The following SLC6A12 variants were observed in gnomAD, a reference collection of about 807,000 sequenced individuals.
The protein encoded by SLC6A12 is solute carrier family 6 member 12, also known as sodium- and chloride-dependent betaine transporter.
Under a neutral mutation model 73.3 loss-of-function variants are expected in SLC6A12, and 50 were observed. The observed-to-expected ratio is 0.68, with a 90% CI of 0.54 to 0.86. The LOEUF (loss-of-function observed/expected upper bound fraction) is 0.86. Ranked by LOEUF, SLC6A12 falls within the 40% of genes least tolerant of loss-of-function variation. SLC6A12 has a pLI of 0.00. For missense variants in SLC6A12, 648 were observed against 772.8 expected, an observed-to-expected ratio of 0.84 and a Z score of 1.92; for synonymous variants, 304 against 309.2, an observed-to-expected ratio of 0.98 and a Z score of 0.18.
rs1565464689 is a variant in SLC6A12, at chr12:192,364, T to G, written c.1701+114A>C. ...TTAAGATTCTGTGAGACTGAAGGGC[T>G]GCCCCACACTCAGAGTTTGTGTCTG... On this transcript the variant is annotated intron_variant, in intron 15 of 15. Transcript: ENST00000684302. 1.3e-5 allele frequency: 11 copies of G among 863,182 alleles called. No homozygotes were observed. The East Asian group carries it at 2.7e-4, about 21-fold the overall frequency. The allele number at this position is 863,182 out of a possible 1,614,324, so 53.5% of individuals were successfully genotyped here. A position where few individuals can be genotyped will look rare whatever the true frequency, so the allele number is the denominator to read the frequency against.
intron 4 of SLC6A12, chr12:204,023 C>G (rs980040853): frequency 6.5e-6 from 1 of 153,566 alleles, no homozygotes; most frequent in African/African-American, 2.4e-5. Flanking sequence ...TCCAGTGCTC[C>G]GTTTGCTCAC....
At chr12:187,606 A>C (rs1591772481), downstream of SLC6A12, among the ~76,000 whole-genome samples, 2 of 14,502 alleles carry the variant, frequency 1.4e-4, no homozygotes, top group Non-Finnish European at 5.7e-4. Flanking sequence ...AAAAAAAAAA[A>C]AAAAAAAAAA....
At chr12:200,137 G>A (rs1287436864) in intron 7 of SLC6A12, among the ~76,000 whole-genome samples, 1 of 134,040 alleles carries the variant, frequency 7.5e-6, no homozygotes, top group Non-Finnish European at 1.5e-5. Flanking sequence ...TTGAGACGGA[G>A]TCTGGCTGTC....
downstream of SLC6A12, among the ~76,000 whole-genome samples, chr12:186,971 T>C (rs988361664): frequency 6.6e-6 from 1 of 152,184 alleles, no homozygotes; most frequent in Admixed American, 6.5e-5. Context: ...CAAGGGCTCC[T>C]GTTCCCTCCC....
At position 209,340 on chromosome 12, in the gene SLC6A12, A is replaced by G. The variant is rs147852879; in HGVS notation, c.214+433T>C. Among the ~76,000 whole-genome samples the G allele has an allele frequency of 5.9e-3, 892 of 152,280 alleles. 5 individuals carry two copies. The highest frequency in any genetic ancestry group is 9.3e-3 in the Non-Finnish European group (631 of 68,020). Reference sequence around the variant, plus strand: ...AGACCACGCGGAACCGTTTGTCCGCAACCTGCCGCAGACACAGTACAACTC... The same window carrying G: ...AGACCACGCGGAACCGTTTGTCCGCGACCTGCCGCAGACACAGTACAACTC... On this transcript the variant is annotated intron_variant, in intron 3 of 15. Coordinates refer to ENST00000684302, the MANE Select transcript of SLC6A12 (RefSeq NM_001122848.3).
chr12:200,152 A>G (rs1204853666), intron 7 of SLC6A12, among the ~76,000 whole-genome samples: 1 of 125,374 alleles, frequency 8.0e-6, no homozygotes, highest in Non-Finnish European at 1.6e-5. Context: ...GCTGTCGCCC[A>G]GGCTGGAGTG....
Position 200,702 on chromosome 12 carries a change from G to C in SLC6A12, c.660C>G (p.Ala220=), listed in dbSNP as rs759201205. 1.9e-6 allele frequency: 3 copies of C among 1,614,076 alleles called. No individual in the cohort carries two copies. Among genetic ancestry groups the C allele is most frequent in the Admixed American group, 1.7e-5 (1 of 60,008 alleles). Residue 220 remains alanine, a synonymous_variant, in exon 7 of 16, where the codon GCC becomes GCG. Coordinates refer to ENST00000684302, the MANE Select transcript of SLC6A12 (RefSeq NM_001122848.3). The part of the protein sequence containing the change: ...RWELALCLLL[A]WVICYFCIWK... ...AGATGCAGAAATAGCAGATGACCCA[G>C]GCGAGCAGGAGGCACAGGGCCAGCT...
Position 197,948 on chromosome 12 carries a change from C to T in SLC6A12, c.902G>A (p.Cys301Tyr), listed in dbSNP as rs1721524259. ...GTTGTAGCTGCCCAGGGCTGTCAGG[C>T]ACCCCTGGCAGATGGCAAAGGAGAA... ...IFFSFAICQG[C>Y]LTALGSYNKY... The change falls in exon 9 of 16, where the codon TGC (cysteine) becomes TAC (tyrosine). Residue 301 changes from cysteine (C) to tyrosine (Y), a missense_variant. By Grantham distance (194) the Cys-to-Tyr change is radical. Coordinates refer to ENST00000684302, the MANE Select transcript of SLC6A12 (RefSeq NM_001122848.3). 1 of 1,613,236 alleles carries T rather than the reference C, an allele frequency of 6.2e-7. No individual in the cohort carries two copies.
At chr12:206,429 G>A (rs1007500558) in intron 3 of SLC6A12, among the ~76,000 whole-genome samples, 3 of 152,186 alleles carry the variant, frequency 2.0e-5, no homozygotes, top group Admixed American at 6.5e-5. Flanking sequence ...TGAAGGCTAC[G>A]TACTATTCCC....
intron 2 of SLC6A12, chr12:211,008 T>G (rs1024235509): frequency 1.4e-5 from 2 of 145,454 alleles, no homozygotes; most frequent in Non-Finnish European, 3.1e-5. Flanking sequence ...CAATCTATGT[T>G]TGCCTTCTCC....
Position 202,881 on chromosome 12 carries a change from C to T in SLC6A12, c.350-1G>A. 1.9e-6 allele frequency: 3 copies of T among 1,613,656 alleles called. No homozygotes were observed. Among genetic ancestry groups the T allele is most frequent in the Non-Finnish European group, 2.5e-6 (3 of 1,179,786 alleles). Reference sequence around the variant, plus strand: ...ATGACCACAGATGCCAGACCAATGCCTTCCAGAGTGGGGGAGAGATGGGGA... The same window carrying T: ...ATGACCACAGATGCCAGACCAATGCTTTCCAGAGTGGGGGAGAGATGGGGA... On this transcript the variant is annotated splice_acceptor_variant, in intron 4 of 15. Transcript: ENST00000684302. LOFTEE classifies it high-confidence loss of function.
chr12:204,230 G>C (rs1027894902), intron 4 of SLC6A12: 4 of 294,772 alleles, frequency 1.4e-5, no homozygotes, highest in African/African-American at 2.1e-5. Flanking sequence ...CCCAGAGCCT[G>C]TGAGTAGAGC....
chr12:189,533 G>A (rs1036026706), downstream of SLC6A12, among the ~76,000 whole-genome samples: 1 of 152,148 alleles, frequency 6.6e-6, no homozygotes, highest in Non-Finnish European at 1.5e-5. Context: ...AGCCTGACCT[G>A]ATTTCTCCTG....
chr12:200,971 T>C (rs1423458963), intron 6 of SLC6A12, among the ~76,000 whole-genome samples, 188 bp from the exon 7 acceptor site: 2 of 152,186 alleles, frequency 1.3e-5, no homozygotes, highest in Non-Finnish European at 2.9e-5. Context: ...ATCCTATGCA[T>C]ATCTTTATCT....
intron 6 of SLC6A12, 198 bp downstream of exon 6, chr12:201,564 G>A: frequency 3.5e-6 from 2 of 576,148 alleles, no homozygotes; most frequent in Non-Finnish European, 6.3e-6. Context: ...GGATAAATGT[G>A]AGTCTCCGTG....
chr12:206,644 G>GT (rs1175655387), intron 3 of SLC6A12, among the ~76,000 whole-genome samples: 3 of 152,246 alleles, frequency 2.0e-5, no homozygotes, highest in Non-Finnish European at 2.9e-5. Flanking sequence ...CAAAAGGCCA[G>GT]TAACTCTCCA....
the SLC6A12 span, among the ~76,000 whole-genome samples, chr12:184,564 C>T: frequency 5.9e-5 from 9 of 152,236 alleles, no homozygotes; most frequent in East Asian, 1.4e-3. Flanking sequence ...TCCTGGCTAA[C>T]ACGGTGAAAC....
At chr12:211,546 C>T (rs2137219631) in intron 2 of SLC6A12, among the ~76,000 whole-genome samples, 1 of 152,278 alleles carries the variant, frequency 6.6e-6, no homozygotes, top group African/African-American at 2.4e-5. Flanking sequence ...CCTCTGGGTT[C>T]AGAGTATGTG....
At chr12:188,678 C>G (rs1442593631), downstream of SLC6A12, among the ~76,000 whole-genome samples, 1 of 120,688 alleles carries the variant, frequency 8.3e-6, no homozygotes, top group Non-Finnish European at 1.8e-5. Context: ...ACGTCGTATG[C>G]ACACCCACAC....
Sources: gnomAD v4.1 joint callset for allele counts (sites outside exome capture counted in the v4.1 genomes callset) on GRCh38, gnomAD v4.1.1 for gene constraint, MANE v1.5 for transcripts, NCBI Gene and HGNC (gene_info 2026-07-23, HGNC 2026-07-21) for gene names.